Variants in RASSF3 observed in about 807,000 individuals in gnomAD.
The protein encoded by RASSF3 is ras association domain-containing protein 3.
RASSF3 carries 19 observed loss-of-function variants against 19.9 expected under a neutral mutation model. The ratio of observed to expected loss-of-function variants is 0.96; its 90% CI spans 0.67 to 1.40. The LOEUF (loss-of-function observed/expected upper bound fraction) is 1.40, where lower values mean the gene tolerates loss of function less well. RASSF3 is among the 40% of genes most tolerant of loss of function. RASSF3 has a pLI of 0.00. For synonymous variants in RASSF3, 110 were observed against 104.2 expected (o/e 1.06, Z -0.34); for missense variants, 306 against 289.8 (o/e 1.06, Z -0.41).
At chr12:64,538,226 CAA>C (rs1209460872) in intron 1 of RASSF3, among the ~76,000 whole-genome samples, 1 of 152,126 alleles carries the variant, frequency 6.6e-6, no homozygotes, top group East Asian at 1.9e-4. Flanking sequence ...CTCCTGGCCT[CAA>C]GTCATTCTCC....
chr12:64,520,493 T>C (rs1868449414), intron 1 of RASSF3, among the ~76,000 whole-genome samples: 2 of 149,870 alleles, frequency 1.3e-5, no homozygotes, highest in Admixed American at 1.4e-4. Context: ...TATATACATA[T>C]TTGTGTGTGT....
intron 1 of RASSF3, among the ~76,000 whole-genome samples, chr12:64,636,531 C>G (rs950273777): frequency 1.3e-5 from 2 of 152,130 alleles, no homozygotes; most frequent in Non-Finnish European, 2.9e-5. Context: ...TTGTTTTCCT[C>G]TCAGATCACA....
intron 1 of RASSF3, among the ~76,000 whole-genome samples, chr12:64,658,974 G>A (rs1872251709): frequency 6.6e-6 from 1 of 152,194 alleles, no homozygotes; most frequent in Non-Finnish European, 1.5e-5. Context: ...GGAAGCAGAG[G>A]CAGGAGGATA....
chr12:64,648,959 C>T (rs1171240122), intron 1 of RASSF3, among the ~76,000 whole-genome samples: 1 of 151,820 alleles, frequency 6.6e-6, no homozygotes. Flanking sequence ...GTGTGTGCCA[C>T]CATGCCCGGC....
chr12:64,620,871 G>GA (rs879873608), intron 1 of RASSF3, among the ~76,000 whole-genome samples: 5 of 151,732 alleles, frequency 3.3e-5, no homozygotes, highest in African/African-American at 1.2e-4. Flanking sequence ...TTAAAATAGA[G>GA]AAAAAAAACT....
In RASSF3 at chr12:64,519,181, CT is replaced by C. The variant is rs1454465525; in HGVS notation, c.169+11854del. On this transcript the variant is annotated intron_variant, in intron 1 of 5. Transcript: ENST00000637125. The stretch of plus-strand genomic sequence containing the variant: ...TTGGGAGGCTGAGGCGGGAGGATAG[CT>C]TGAGTCCAGTAGTTCAAGACCAGCC... Among the ~76,000 whole-genome samples, 142 of 152,272 alleles carry C rather than the reference CT, an allele frequency of 9.3e-4. 1 individual carries two copies. Among genetic ancestry groups the C allele is most frequent in the Non-Finnish European group, 1.5e-3 (101 of 68,024 alleles).
At chr12:64,621,125 G>A (rs1242112540) in intron 1 of RASSF3, among the ~76,000 whole-genome samples, 1 of 151,998 alleles carries the variant, frequency 6.6e-6, no homozygotes, top group Admixed American at 6.6e-5. Context: ...TAGTAGAGAT[G>A]GGGTTTCACC....
At chr12:64,575,877 G>C (rs1010120116) in intron 2 of RASSF3, 1 of 150,316 alleles carries the variant, frequency 6.7e-6, no homozygotes, top group Non-Finnish European at 1.5e-5. Flanking sequence ...GAAAATTCTC[G>C]ACAGATTTTT....
At chr12:64,555,976 A>G (rs1869250990) in intron 2 of RASSF3, among the ~76,000 whole-genome samples, 1 of 152,250 alleles carries the variant, frequency 6.6e-6, no homozygotes, top group African/African-American at 2.4e-5. Context: ...TCAAAGAAGC[A>G]GAAGCCAAGA....
At chr12:64,580,484 A>C (rs1422888983) in intron 2 of RASSF3, among the ~76,000 whole-genome samples, 1 of 151,744 alleles carries the variant, frequency 6.6e-6, no homozygotes. Flanking sequence ...AGATGCTTTG[A>C]GTCCAGGAGA....
At chr12:64,515,452 T>A (rs73315531) in intron 1 of RASSF3, 1 of 152,226 alleles carries the variant, frequency 6.6e-6, no homozygotes, top group African/African-American at 2.4e-5. Flanking sequence ...TGTTCCAATG[T>A]GGACAGTTTG....
At chr12:64,558,584 C>T (rs900798258) in intron 2 of RASSF3, among the ~76,000 whole-genome samples, 2 of 152,092 alleles carry the variant, frequency 1.3e-5, no homozygotes, top group African/African-American at 2.4e-5. Context: ...AAAGGGCTGG[C>T]GTAACTCAAG....
intron 1 of RASSF3, among the ~76,000 whole-genome samples, chr12:64,678,724 C>T (rs1873007491): frequency 6.7e-6 from 1 of 148,260 alleles, no homozygotes; most frequent in South Asian, 2.1e-4. Context: ...GTAAACTAGG[C>T]TGTCAGCCAA....
chr12:64,636,502 G>A (rs1871334002), intron 1 of RASSF3, among the ~76,000 whole-genome samples: 1 of 152,084 alleles, frequency 6.6e-6, no homozygotes, highest in Non-Finnish European at 1.5e-5. Flanking sequence ...CTAGAAAGTG[G>A]TTGTATATTG....
rs116614076 is a variant in RASSF3, at chr12:64,625,038, A to G, written c.111+14295A>G. On this transcript the variant is annotated intron_variant, in intron 1 of 4. Coordinates refer to ENST00000542104, the MANE Select transcript of RASSF3 (RefSeq NM_178169.4). Reference sequence around the variant, plus strand: ...CCTTTTCATTTGAGGGTAGTAGACCATATGGAGAACTGACAGTGGTTGAGA... The same window carrying G: ...CCTTTTCATTTGAGGGTAGTAGACCGTATGGAGAACTGACAGTGGTTGAGA... Among the ~76,000 whole-genome samples the G allele has an allele frequency of 1.2e-4, 18 of 152,224 alleles. No homozygotes were observed. The East Asian group carries it at 3.3e-3, about 28-fold the overall frequency.
chr12:64,639,941 G>A (rs547015281), intron 1 of RASSF3, among the ~76,000 whole-genome samples: 36 of 152,190 alleles, frequency 2.4e-4, no homozygotes, highest in Admixed American at 4.6e-4. Flanking sequence ...GAAATGCAAC[G>A]TGAAAGATCT....
intron 2 of RASSF3, among the ~76,000 whole-genome samples, chr12:64,551,069 C>T (rs1230111666): frequency 1.3e-5 from 2 of 152,024 alleles, no homozygotes; most frequent in Non-Finnish European, 2.9e-5. Flanking sequence ...GAAGTAGGGG[C>T]AGAGACCAGA....
At chr12:64,593,731 A>G (rs760292037) in intron 2 of RASSF3, among the ~76,000 whole-genome samples, 5 of 152,166 alleles carry the variant, frequency 3.3e-5, no homozygotes, top group Admixed American at 6.6e-5. Flanking sequence ...GAAATCCTGT[A>G]GCAAAGCTGA....
intron 1 of RASSF3, among the ~76,000 whole-genome samples, chr12:64,627,625 A>G (rs1191770308): frequency 1.3e-5 from 2 of 152,226 alleles, no homozygotes; most frequent in African/African-American, 2.4e-5. Flanking sequence ...GACTTGTGTC[A>G]GAATTATAAT....
Sources: gnomAD v4.1 joint callset for allele counts (sites outside exome capture counted in the v4.1 genomes callset) on GRCh38, gnomAD v4.1.1 for gene constraint, MANE v1.5 for transcripts, NCBI Gene and HGNC (gene_info 2026-07-23, HGNC 2026-07-21) for gene names.